PTPRO: variants seen among roughly 807,000 people sequenced by gnomAD.
The protein encoded by PTPRO is protein tyrosine phosphatase receptor type O, also known as receptor-type tyrosine-protein phosphatase O.
In PTPRO, 62 loss-of-function variants were observed where a neutral mutation model predicts 145.2. The ratio of observed to expected loss-of-function variants is 0.43; its 90% confidence interval spans 0.35 to 0.53. The LOEUF is 0.53. Among genes scored for constraint, PTPRO ranks in the 20% least tolerant of loss-of-function variants. The pLI is 0.01. For missense variants in PTPRO, 1,345 were observed against 1,482.7 expected (o/e 0.91, Z 1.53); for synonymous variants, 565 against 514.7 (o/e 1.10, Z -1.32).
At chr12:15,478,981 A>AG (rs1433783278) in intron 1 of PTPRO, among the ~76,000 whole-genome samples, 1 of 152,050 alleles carries the variant, frequency 6.6e-6, no homozygotes, top group East Asian at 1.9e-4. Flanking sequence ...ATTAAATTTA[A>AG]TTTTTTAAAA....
chr12:15,554,623 G>C (rs1591726538), intron 15 of PTPRO, among the ~76,000 whole-genome samples: 1 of 152,072 alleles, frequency 6.6e-6, no homozygotes, highest in Non-Finnish European at 1.5e-5. Flanking sequence ...AAAGATGTAG[G>C]CTGGGAGGCG....
At chr12:15,438,257 T>TC (rs1940656715) in intron 1 of PTPRO, among the ~76,000 whole-genome samples, 1 of 152,012 alleles carries the variant, frequency 6.6e-6, no homozygotes, top group South Asian at 2.1e-4. Context: ...TGCCAGTGTC[T>TC]CCAGGTGAGA....
At chr12:15,472,321 T>G (rs1441608155) in intron 1 of PTPRO, among the ~76,000 whole-genome samples, 1 of 152,206 alleles carries the variant, frequency 6.6e-6, no homozygotes, top group African/African-American at 2.4e-5. Context: ...TTCTGCATAC[T>G]CCTAATTATA....
At position 15,322,788 on chromosome 12, in the gene PTPRO, T is replaced by TA. The variant is rs779916135; in HGVS notation, c.62_63insA (p.Phe21LeufsTer17). The TA allele has an allele frequency of 8.1e-6, 13 of 1,612,590 alleles. No homozygotes were observed. The highest frequency in any genetic ancestry group is 8.5e-7 in the Non-Finnish European group (1 of 1,179,520). ...CGCCTCCTGCCTCTGCTCTGGCTCT[T>TA]TGTGCTGTTCAAGGTAGGGGAGCTC... is the stretch of plus-strand genomic sequence containing the variant. On this transcript the variant is annotated frameshift_variant, in exon 1 of 27. Transcript: ENST00000281171. LOFTEE classifies it high-confidence loss of function. This position sits in a 1 kb window ranked among gnomAD's most constrained non-coding sequence, Gnocchi z 6.3.
At chr12:15,411,919 C>T (rs1001257482) in intron 1 of PTPRO, among the ~76,000 whole-genome samples, 3 of 152,140 alleles carry the variant, frequency 2.0e-5, no homozygotes, top group African/African-American at 7.2e-5. Flanking sequence ...AGTCTGAAAA[C>T]ATTCTAAATG....
intron 15 of PTPRO, among the ~76,000 whole-genome samples, chr12:15,556,978 T>C (rs1350679355): frequency 6.6e-6 from 1 of 152,130 alleles, no homozygotes; most frequent in Non-Finnish European, 1.5e-5. Flanking sequence ...CTTTCTGTTT[T>C]GCATTGTATG....
At chr12:15,381,358 A>G (rs1938856492) in intron 1 of PTPRO, among the ~76,000 whole-genome samples, 1 of 152,222 alleles carries the variant, frequency 6.6e-6, no homozygotes, top group Non-Finnish European at 1.5e-5. Flanking sequence ...TGTCCTACTC[A>G]GAGCAATTTA....
At chr12:15,451,175 G>A (rs1003455049) in intron 1 of PTPRO, among the ~76,000 whole-genome samples, 1 of 151,820 alleles carries the variant, frequency 6.6e-6, no homozygotes, top group Admixed American at 6.6e-5. Context: ...AAAGCAAGCA[G>A]GAGTAGCTAT....
intron 1 of PTPRO, among the ~76,000 whole-genome samples, chr12:15,330,507 C>G (rs953575074): frequency 6.6e-6 from 1 of 152,200 alleles, no homozygotes; most frequent in African/African-American, 2.4e-5. Flanking sequence ...AAGTGTCCCT[C>G]TATGGACCAT....
At chr12:15,377,426 T>C (rs1938721255) in intron 1 of PTPRO, among the ~76,000 whole-genome samples, 1 of 151,976 alleles carries the variant, frequency 6.6e-6, no homozygotes, top group South Asian at 2.1e-4. Context: ...AGAGACACAT[T>C]TTAGATTCAA....
At chr12:15,388,420 C>T (rs942489983) in intron 1 of PTPRO, among the ~76,000 whole-genome samples, 8 of 151,922 alleles carry the variant, frequency 5.3e-5, no homozygotes, top group Non-Finnish European at 1.0e-4. Context: ...TTTTTCTTCC[C>T]GTGTTTTAAA....
chr12:15,412,598 C>T (rs1378093851), intron 1 of PTPRO, among the ~76,000 whole-genome samples: 3 of 152,112 alleles, frequency 2.0e-5, no homozygotes, highest in Non-Finnish European at 2.9e-5. Flanking sequence ...AGTAATTGTT[C>T]TGGATAACAT....
chr12:15,560,116 G>T, intron 16 of PTPRO, 77 bp from the exon 17 acceptor site: 1 of 984,494 alleles, frequency 1.0e-6, no homozygotes, highest in East Asian at 2.4e-5. Context: ...GTAATTTACT[G>T]ATATCTATTC....
chr12:15,462,299 T>A (rs1301519612), intron 1 of PTPRO, among the ~76,000 whole-genome samples: 2 of 152,088 alleles, frequency 1.3e-5, no homozygotes, highest in Non-Finnish European at 2.9e-5. Flanking sequence ...TAATTTTGTA[T>A]TTTTTCAGTA....
chr12:15,445,491 A>G (rs1267699439), intron 1 of PTPRO, among the ~76,000 whole-genome samples: 1 of 152,056 alleles, frequency 6.6e-6, no homozygotes, highest in African/African-American at 2.4e-5. Context: ...AAATGAAAGG[A>G]GTGAAGTTCT....
At chr12:15,438,688 C>T (rs996670284) in intron 1 of PTPRO, among the ~76,000 whole-genome samples, 1 of 151,754 alleles carries the variant, frequency 6.6e-6, no homozygotes, top group Admixed American at 6.6e-5. Context: ...ATGAGCAGTC[C>T]TCATGAAATA....
intron 1 of PTPRO, among the ~76,000 whole-genome samples, chr12:15,347,237 C>A (rs1170362178): frequency 6.6e-6 from 1 of 152,190 alleles, no homozygotes; most frequent in Admixed American, 6.5e-5. Flanking sequence ...TATCAAGACA[C>A]AACTTAAAAC....
Position 15,322,598 on chromosome 12 carries a change from C to G in PTPRO, c.-129C>G. On this transcript the variant is annotated 5_prime_UTR_variant, in exon 1 of 27. Transcript: ENST00000281171. The surrounding 1 kb of genome is among the most constrained non-coding windows in gnomAD (Gnocchi z 6.3). ...AGCAGGCGCAGGGGGACTGGAAAGG[C>G]AGCATGCGCTCGCCAGGAGCAACCT... The G allele has an allele frequency of 1.3e-6, 1 of 768,004 alleles. No individual in the cohort carries two copies. Among genetic ancestry groups the G allele is most frequent in the South Asian group, 1.5e-5 (1 of 67,820 alleles). 47.6% of individuals were successfully genotyped at this position (768,004 alleles called of 1,614,324 possible). A position where few individuals can be genotyped will look rare whatever the true frequency, so the allele number is the denominator to read the frequency against.
At chr12:15,499,847 G>A (rs940404314) in intron 4 of PTPRO, among the ~76,000 whole-genome samples, 7 of 151,818 alleles carry the variant, frequency 4.6e-5, no homozygotes, top group Non-Finnish European at 1.0e-4. Context: ...TATTACCAAA[G>A]GTTATAATTA....
Sources: gnomAD v4.1 joint callset for allele counts (sites outside exome capture counted in the v4.1 genomes callset) on GRCh38, gnomAD v4.1.1 for gene constraint, Gnocchi (gnomAD v3.1) non-coding constraint, MANE v1.5 for transcripts, NCBI Gene and HGNC (gene_info 2026-07-23, HGNC 2026-07-21) for gene names.